The following QRFPR variants were observed in gnomAD, a reference collection of about 807,000 sequenced individuals.
QRFPR encodes pyroglutamylated RFamide peptide receptor, also known as pyroglutamylated RF-amide peptide receptor.
In QRFPR, 37 loss-of-function variants were observed where a neutral mutation model predicts 31.3. The observed-to-expected ratio is 1.18, with a 90% CI of 0.91 to 1.56. The LOEUF is 1.56. Among genes scored for constraint, QRFPR ranks in the 40% most tolerant of loss-of-function variants. The probability of loss-of-function intolerance (pLI) is 0.00; values close to 1 mark genes in which losing one functional copy is unlikely to be tolerated. For missense variants in QRFPR, 542 were observed against 532.5 expected, an observed-to-expected ratio of 1.02 and a Z score of -0.18; for synonymous variants, 197 against 192.0, an observed-to-expected ratio of 1.03 and a Z score of -0.22.
In QRFPR at chr4:121,330,458, G is replaced by T; in HGVS notation, c.863C>A (p.Pro288Gln). 6.2e-7 allele frequency: 1 copy of T among 1,613,478 alleles called. No individual in the cohort carries two copies. Among genetic ancestry groups the T allele is most frequent in the Non-Finnish European group, 8.5e-7 (1 of 1,179,488 alleles). ...VVALFAVCWA[P>Q]FHVVHMMIEY... The stretch of plus-strand genomic sequence containing the variant: ...AATCATCATATGGACAACATGGAAT[G>T]GTGCCCAGCACACAGCAAAGAGAGC... Residue 288 changes from proline to glutamine, a missense_variant, in exon 5 of 6, where the codon CCA becomes CAA. Physicochemically the swap from Pro to Gln is moderately conservative, Grantham distance 76. Transcript: ENST00000394427.
intron 1 of QRFPR, among the ~76,000 whole-genome samples, chr4:121,360,838 C>T (rs1352959678): frequency 6.6e-6 from 1 of 152,188 alleles, no homozygotes; most frequent in Non-Finnish European, 1.5e-5. Flanking sequence ...CACATCCCCT[C>T]TGAATGCCAA....
chr4:121,380,197 GAGAGAGA>G (rs1560749193), intron 1 of QRFPR, 104 bp downstream of exon 1: 22,743 of 438,374 alleles, frequency 0.052, 834 homozygotes, highest in Non-Finnish European at 0.06. Flanking sequence ...GAGAGAGAGA[GAGAGAGA>G]GAGAGAGAGA....
chr4:121,368,119 T>C (rs1390200506), intron 1 of QRFPR, among the ~76,000 whole-genome samples: 1 of 149,708 alleles, frequency 6.7e-6, no homozygotes, highest in Admixed American at 6.7e-5. Context: ...GGTTTCCCTA[T>C]TTCCCTCCCT....
At chr4:121,347,399 A>T (rs565179707) in intron 1 of QRFPR, among the ~76,000 whole-genome samples, 2 of 152,102 alleles carry the variant, frequency 1.3e-5, no homozygotes, top group Non-Finnish European at 2.9e-5. Context: ...GATGATAGAT[A>T]TAGATTACCT....
intron 1 of QRFPR, among the ~76,000 whole-genome samples, chr4:121,357,774 G>A (rs1725899512): frequency 6.6e-6 from 1 of 152,180 alleles, no homozygotes; most frequent in Admixed American, 6.5e-5. Context: ...AACCAAATAG[G>A]CCAGAGAATG....
rs1386867780 is a variant in QRFPR, at chr4:121,340,579, G to A, written c.372C>T (p.Val124=). 1 of 1,613,888 alleles carries A rather than the reference G, an allele frequency of 6.2e-7. No homozygotes were observed. Among genetic ancestry groups the A allele is most frequent in the South Asian group, 1.1e-5 (1 of 91,068 alleles). ...TTTCTGTCACAACAGCGGTAGACTG[G>A]ACAAATGGCACCATCTTGCAAATGA... is the stretch of plus-strand genomic sequence containing the variant. ...GAFICKMVPF[V]QSTAVVTEIL... The change falls in exon 2 of 6, where the codon GTC becomes GTT. Residue 124 remains valine (V), a synonymous_variant. Transcript: ENST00000394427.
At chr4:121,337,869 T>C (rs1351979382) in intron 2 of QRFPR, among the ~76,000 whole-genome samples, 1 of 152,166 alleles carries the variant, frequency 6.6e-6, no homozygotes, top group African/African-American at 2.4e-5. Flanking sequence ...CCAAGAACAA[T>C]TTCAACCCGT....
intron 1 of QRFPR, among the ~76,000 whole-genome samples, chr4:121,371,293 C>A (rs539727137): frequency 6.6e-6 from 1 of 152,168 alleles, no homozygotes; most frequent in Non-Finnish European, 1.5e-5. Context: ...TTAATTACTT[C>A]GGAATTCATC....
In QRFPR at chr4:121,329,471, T is replaced by C. The variant is rs758381439; in HGVS notation, c.1139A>G (p.Glu380Gly). Residue 380 changes from glutamate to glycine, a missense_variant, in exon 6 of 6, where the codon GAG becomes GGG. Coordinates refer to ENST00000394427, the MANE Select transcript of QRFPR (RefSeq NM_198179.3). Reference sequence around the variant, plus strand: ...TCCTTTGGTTTCCTCCACTGGATTCTCTCTGAGGGAAAACTTTGCTTTCTT... The same window carrying C: ...TCCTTTGGTTTCCTCCACTGGATTCCCTCTGAGGGAAAACTTTGCTTTCTT... Reference protein sequence around the residue: ...MRKKAKFSLRENPVEETKGEA... With the variant: ...MRKKAKFSLRGNPVEETKGEA... The C allele has an allele frequency of 5.0e-6, 8 of 1,614,182 alleles. No homozygotes were observed. In the East Asian group the frequency reaches 1.8e-4, roughly 36 times the overall value.
chr4:121,371,276 C>T (rs1314219574), intron 1 of QRFPR, among the ~76,000 whole-genome samples: 1 of 152,146 alleles, frequency 6.6e-6, no homozygotes, highest in Non-Finnish European at 1.5e-5. Flanking sequence ...AAACAATAAG[C>T]ACTTACTTAA....
chr4:121,378,434 A>T (rs1383673766), intron 1 of QRFPR, among the ~76,000 whole-genome samples: 1 of 117,974 alleles, frequency 8.5e-6, no homozygotes, highest in Non-Finnish European at 1.7e-5. Flanking sequence ...TTTTTTTGAG[A>T]CGGAGTCTTG....
chr4:121,332,755 C>T (rs1035055106), intron 4 of QRFPR, 66 bp downstream of exon 4: 21 of 1,262,668 alleles, frequency 1.7e-5, no homozygotes, highest in Non-Finnish European at 2.2e-5. Flanking sequence ...AGAGCCCTGG[C>T]AACCATCCCT....
In QRFPR at chr4:121,337,159, C is replaced by G. The variant is rs1725451499; in HGVS notation, c.500-291G>C. Among the ~76,000 whole-genome samples, 2 of 152,140 alleles carry G rather than the reference C, an allele frequency of 1.3e-5. 1 individual carries two copies. Among genetic ancestry groups the G allele is most frequent in the South Asian group, 4.2e-4 (2 of 4,818 alleles). ...AGGTTCTCTACCATCTCAATTGCCT[C>G]TCTCTCCTCTTTCATTTCTGTCCAT... On this transcript the variant is annotated intron_variant, in intron 2 of 5. Coordinates refer to ENST00000394427, the MANE Select transcript of QRFPR (RefSeq NM_198179.3).
chr4:121,332,176 G>C (rs1456343920), intron 4 of QRFPR, among the ~76,000 whole-genome samples: 1 of 151,564 alleles, frequency 6.6e-6, no homozygotes, highest in African/African-American at 2.4e-5. Flanking sequence ...GCTTTTTTTT[G>C]CTTTGTTTCT....
intron 1 of QRFPR, among the ~76,000 whole-genome samples, chr4:121,373,523 G>A (rs13120639): frequency 0.16 from 24,566 of 151,930 alleles, 2,533 homozygotes; most frequent in Non-Finnish European, 0.24. Context: ...TTCATCAATA[G>A]CTTTTATCAT....
chr4:121,332,449 C>T (rs1010097622), intron 4 of QRFPR, among the ~76,000 whole-genome samples: 9 of 152,090 alleles, frequency 5.9e-5, no homozygotes, highest in Non-Finnish European at 5.9e-5. Context: ...TGTACATATG[C>T]GGGAAGCAGG....
At position 121,361,421 on chromosome 4, in the gene QRFPR, C is replaced by T. The variant is rs139162474; in HGVS notation, c.340+18887G>A. Among the ~76,000 whole-genome samples, 117 of 150,146 alleles carry T rather than the reference C, an allele frequency of 7.8e-4. 9 individuals are homozygous for T. The highest frequency in any genetic ancestry group is 1.3e-3 in the Non-Finnish European group (91 of 67,588). Reference sequence around the variant, plus strand: ...TATTATAGATAATCAGAGAGAGATACGCAGCCATGGTCTATTTGCTAATAA... The same window carrying T: ...TATTATAGATAATCAGAGAGAGATATGCAGCCATGGTCTATTTGCTAATAA... On this transcript the variant is annotated intron_variant, in intron 1 of 5. Transcript: ENST00000394427.
intron 1 of QRFPR, among the ~76,000 whole-genome samples, chr4:121,358,966 T>C (rs1725926816): frequency 6.6e-6 from 1 of 152,178 alleles, no homozygotes; most frequent in South Asian, 2.1e-4. Flanking sequence ...AAATGAGGAA[T>C]AAAGTAACTT....
chr4:121,359,398 T>TA (rs982548548), intron 1 of QRFPR, among the ~76,000 whole-genome samples: 2 of 152,086 alleles, frequency 1.3e-5, no homozygotes, highest in Non-Finnish European at 2.9e-5. Flanking sequence ...GGGCACAATC[T>TA]AATCAGCTGC....
Sources: gnomAD v4.1 joint callset for allele counts (sites outside exome capture counted in the v4.1 genomes callset) on GRCh38, gnomAD v4.1.1 for gene constraint, MANE v1.5 for transcripts, NCBI Gene and HGNC (gene_info 2026-07-23, HGNC 2026-07-21) for gene names.